The following DNAJC27 variants were observed in gnomAD, a reference collection of about 807,000 sequenced individuals.
DNAJC27 encodes the protein DnaJ heat shock protein family (Hsp40) member C27.
DNAJC27 carries 25 observed loss-of-function variants against 31.4 expected under a neutral mutation model. The ratio of observed to expected loss-of-function variants is 0.80; its 90% CI spans 0.58 to 1.11. DNAJC27 has a LOEUF of 1.11. Among genes scored for constraint, DNAJC27 ranks in the 50% most tolerant of loss-of-function variants. The pLI, the probability that DNAJC27 is intolerant of heterozygous loss-of-function variation, is 0.00. For synonymous variants in DNAJC27, 106 were observed against 112.7 expected (o/e 0.94, Z 0.37); for missense variants, 356 against 347.3 (o/e 1.02, Z -0.20).
intron 1 of DNAJC27, among the ~76,000 whole-genome samples, chr2:24,970,324 T>TA (rs1271381243): frequency 6.6e-6 from 1 of 152,188 alleles, no homozygotes; most frequent in African/African-American, 2.4e-5. Context: ...TACCTTCTCT[T>TA]TTCTAATATT....
At chr2:24,962,215 T>C (rs1236555373) in intron 3 of DNAJC27, among the ~76,000 whole-genome samples, 1 of 84,526 alleles carries the variant, frequency 1.2e-5, no homozygotes, top group Admixed American at 1.7e-4. Flanking sequence ...ATACTTTTTT[T>C]CTTTTGTTTT....
chr2:24,962,696 G>C (rs570354110), intron 3 of DNAJC27, among the ~76,000 whole-genome samples: 5 of 152,286 alleles, frequency 3.3e-5, no homozygotes, highest in Admixed American at 2.0e-4. Flanking sequence ...AGGGAAATAT[G>C]TAGCATTAAA....
At chr2:24,958,012 TG>T in intron 3 of DNAJC27, 38 bp from the exon 4 acceptor site, 2 of 1,590,732 alleles carry the variant, frequency 1.3e-6, no homozygotes, top group Non-Finnish European at 1.7e-6. Context: ...ACGTAGTTTT[TG>T]TGATGTTATA....
intron 6 of DNAJC27, 75 bp from the exon 7 acceptor site, chr2:24,947,823 C>A: frequency 1.3e-6 from 2 of 1,513,846 alleles, no homozygotes; most frequent in Non-Finnish European, 1.8e-6. Flanking sequence ...TTTGGACACA[C>A]ATAGTATCTC....
intron 5 of DNAJC27, among the ~76,000 whole-genome samples, chr2:24,956,475 G>C (rs531105936): frequency 6.6e-6 from 1 of 152,194 alleles, no homozygotes; most frequent in Admixed American, 6.5e-5. Context: ...TTTTATGTGT[G>C]ACTGGATGGA....
chr2:24,971,519 G>A (rs1025676442), intron 1 of DNAJC27: 7 of 245,978 alleles, frequency 2.8e-5, no homozygotes, highest in African/African-American at 1.1e-4. Context: ...AAGGTATCTA[G>A]GCCGACGGCC....
chr2:24,964,801 C>T (rs1666139052), intron 2 of DNAJC27, among the ~76,000 whole-genome samples: 1 of 152,174 alleles, frequency 6.6e-6, no homozygotes, highest in Non-Finnish European at 1.5e-5. Flanking sequence ...GATAAATAAA[C>T]TAGCTACTTA....
intron 5 of DNAJC27, among the ~76,000 whole-genome samples, chr2:24,956,714 A>C (rs1048663802): frequency 6.6e-6 from 1 of 152,176 alleles, no homozygotes; most frequent in African/African-American, 2.4e-5. Context: ...CTGGAGAGAG[A>C]GCTTTTTCAA....
rs1665612936 is a variant in DNAJC27 at position 24,945,012 on chromosome 2, G to GT, written c.*2603dup. ...TCTGCTAGCTGTTACTCTCACTAAT[G>GT]TATTTTGAAATCCTAACTGGCTGAA... On this transcript the variant is annotated 3_prime_UTR_variant, in exon 7 of 7. Transcript: ENST00000264711. 1 of 152,322 alleles carries GT rather than the reference G, an allele frequency of 6.6e-6. No homozygotes were observed. The highest frequency in any genetic ancestry group is 2.1e-4 in the South Asian group (1 of 4,828). The allele number at this position is 152,322 out of a possible 1,614,324, so 9.4% of individuals were successfully genotyped here. A position where few individuals can be genotyped will look rare whatever the true frequency, so the allele number is the denominator to read the frequency against.
At chr2:24,954,762 CCT>C (rs1665864959) in intron 5 of DNAJC27, among the ~76,000 whole-genome samples, 1 of 152,104 alleles carries the variant, frequency 6.6e-6, no homozygotes, top group Non-Finnish European at 1.5e-5. Context: ...TCGGTGAAAC[CCT>C]GTCTCTACTA....
intron 6 of DNAJC27, among the ~76,000 whole-genome samples, chr2:24,950,596 C>T (rs1665748226): frequency 6.6e-6 from 1 of 152,120 alleles, no homozygotes; most frequent in South Asian, 2.1e-4. Context: ...CCCGTAATCC[C>T]AGTAGTTTGG....
intron 5 of DNAJC27, 79 bp from the exon 6 acceptor site, chr2:24,951,633 C>A: frequency 7.8e-7 from 1 of 1,281,180 alleles, no homozygotes. Context: ...ACTTAAAAGA[C>A]TTTTAATATA....
At chr2:24,950,183 C>T (rs1558550268) in intron 6 of DNAJC27, among the ~76,000 whole-genome samples, 1 of 152,130 alleles carries the variant, frequency 6.6e-6, no homozygotes, top group Non-Finnish European at 1.5e-5. Flanking sequence ...CTCAATATCA[C>T]CTGGTGAATG....
chr2:24,955,231 G>T (rs1665877561), intron 5 of DNAJC27, among the ~76,000 whole-genome samples: 1 of 152,196 alleles, frequency 6.6e-6, no homozygotes. Flanking sequence ...TGAGTGAGCA[G>T]AGAATCTAAT....
At chr2:24,967,954 CTTT>C (rs35902856) in intron 1 of DNAJC27, among the ~76,000 whole-genome samples, 17 of 135,620 alleles carry the variant, frequency 1.3e-4, no homozygotes, top group Non-Finnish European at 1.6e-4. Flanking sequence ...AGATTAATTC[CTTT>C]TTTTTTTTTT....
intron 3 of DNAJC27, among the ~76,000 whole-genome samples, chr2:24,958,845 C>G (rs759542026): frequency 6.6e-6 from 1 of 152,160 alleles, no homozygotes. Context: ...CATGGGGTTT[C>G]CGGGACAAAG....
intron 5 of DNAJC27, among the ~76,000 whole-genome samples, 177 bp downstream of exon 5, chr2:24,956,866 C>G (rs955695478): frequency 1.3e-5 from 2 of 152,198 alleles, no homozygotes; most frequent in African/African-American, 4.8e-5. Context: ...ATCACTCATT[C>G]TCATTCTCTC....
chr2:24,961,715 T>C (rs1288203392), intron 3 of DNAJC27, among the ~76,000 whole-genome samples: 3 of 152,068 alleles, frequency 2.0e-5, no homozygotes, highest in Non-Finnish European at 4.4e-5. Flanking sequence ...GGAAGAGAAC[T>C]AGAATTAGAA....
At chr2:24,968,522 T>A (rs1051610576) in intron 1 of DNAJC27, among the ~76,000 whole-genome samples, 11 of 151,726 alleles carry the variant, frequency 7.2e-5, no homozygotes, top group Non-Finnish European at 1.0e-4. Flanking sequence ...TATTATTATT[T>A]TTTTTGTAGA....
Sources: allele counts gnomAD v4.1 joint callset (sites outside exome capture counted in the v4.1 genomes callset), GRCh38; gene constraint gnomAD v4.1.1; transcripts MANE v1.5; gene names NCBI Gene and HGNC (gene_info 2026-07-23, HGNC 2026-07-21).